Variants in PCDHGA8 observed in about 807,000 individuals in gnomAD.
The protein encoded by PCDHGA8 is protocadherin gamma-A8.
Under a neutral mutation model 59.2 loss-of-function variants are expected in PCDHGA8, and 45 were observed. That is an observed-to-expected ratio of 0.76 (90% CI 0.60 to 0.98). The LOEUF (loss-of-function observed/expected upper bound fraction) is 0.98, where lower values mean the gene tolerates loss of function less well. PCDHGA8 is among the 50% of genes least tolerant of loss of function. The pLI is 0.00. For missense variants in PCDHGA8, 1,257 were observed against 1,196.2 expected (o/e 1.05, Z -0.75); for synonymous variants, 531 against 519.0 (o/e 1.02, Z -0.32).
intron 1 of PCDHGA8, among the ~76,000 whole-genome samples, chr5:141,475,204 A>G (rs2099360413): frequency 6.6e-6 from 1 of 152,176 alleles, no homozygotes; most frequent in African/African-American, 2.4e-5. Flanking sequence ...AGATCTTGGG[A>G]AAAGGATTGA....
Position 141,395,250 on chromosome 5 carries a change from C to A in PCDHGA8, c.2424+13C>A. 1 of 1,558,318 alleles carries A rather than the reference C, an allele frequency of 6.4e-7. No individual in the cohort carries two copies. On this transcript the variant is annotated intron_variant, in intron 1 of 3. Coordinates refer to ENST00000398604, the MANE Select transcript of PCDHGA8 (RefSeq NM_032088.2). ...TGATCATGGTCAGGTGAGTTTAGTTCTTTGCTTGCTTTTAATTTCCAGATG... is the reference window on the plus strand; with the variant it reads ...TGATCATGGTCAGGTGAGTTTAGTTATTTGCTTGCTTTTAATTTCCAGATG...
intron 1 of PCDHGA8, among the ~76,000 whole-genome samples, chr5:141,457,836 C>T (rs1418402508): frequency 6.6e-6 from 1 of 152,202 alleles, no homozygotes; most frequent in African/African-American, 2.4e-5. Context: ...GCTTCCAGAC[C>T]TGTTAGAAAG....
Position 141,510,960 on chromosome 5 carries a change from G to C in PCDHGA8, c.2586G>C (p.Gly862=). The change falls in exon 4 of 4, where the codon GGG becomes GGC. Residue 862 remains glycine, a synonymous_variant. Transcript: ENST00000398604. ...CTGTCTCTGCAGAAGCTGCTGATGG[G>C]AGCTCCACCCTGGGAGGGGGTGCCG... The part of the protein sequence containing the change: ...ILASASEAAD[G]SSTLGGGAGT... 1 of 1,614,120 alleles carries C rather than the reference G, an allele frequency of 6.2e-7. No homozygotes were observed. Among genetic ancestry groups the C allele is most frequent in the Non-Finnish European group, 8.5e-7 (1 of 1,180,022 alleles).
chr5:141,478,481 C>A, intron 1 of PCDHGA8: 1 of 1,613,576 alleles, frequency 6.2e-7, no homozygotes, highest in South Asian at 1.1e-5. Flanking sequence ...CCAGAACACG[C>A]TGCGGAGCTG....
At chr5:141,457,094 C>T (rs2098908295) in intron 1 of PCDHGA8, among the ~76,000 whole-genome samples, 1 of 152,154 alleles carries the variant, frequency 6.6e-6, no homozygotes, top group Non-Finnish European at 1.5e-5. Context: ...TATAAGGATA[C>T]TAATTAAGCA....
chr5:141,454,172 C>T (rs1001368287), intron 1 of PCDHGA8, among the ~76,000 whole-genome samples: 4 of 152,126 alleles, frequency 2.6e-5, no homozygotes, highest in Non-Finnish European at 5.9e-5. Context: ...TCTAGAAGGG[C>T]AGCTAAAGGA....
At position 141,490,524 on chromosome 5, in the gene PCDHGA8, T is replaced by C. The variant is rs1197866164; in HGVS notation, c.2425-4283T>C. The C allele has an allele frequency of 1.2e-6, 2 of 1,613,990 alleles. No homozygotes were observed. Among genetic ancestry groups the C allele is most frequent in the Non-Finnish European group, 1.7e-6 (2 of 1,180,018 alleles). On this transcript the variant is annotated intron_variant, in intron 1 of 3. Transcript: ENST00000398604. The surrounding 1 kb of genome is among the most constrained non-coding windows in gnomAD (Gnocchi z 5.4). ...ATATCATCGAGCTGCTGGCCAGCGA[T>C]GCTGGTTCACCTTCCCTACACAAAC...
intron 1 of PCDHGA8, chr5:141,402,866 T>A (rs1339290452): frequency 4.2e-6 from 6 of 1,442,196 alleles, no homozygotes; most frequent in Non-Finnish European, 5.5e-6. Context: ...AAGGAAAAGA[T>A]CACCATACTT....
chr5:141,401,730 T>C (rs1448734124), intron 1 of PCDHGA8, among the ~76,000 whole-genome samples: 4 of 152,204 alleles, frequency 2.6e-5, no homozygotes, highest in African/African-American at 4.8e-5. Context: ...ACTACTAGTC[T>C]TGTGTACATA....
chr5:141,407,497 G>GTTTTTTTTTTTTTTTTT (rs1554102286), intron 1 of PCDHGA8, among the ~76,000 whole-genome samples: 2 of 151,970 alleles, frequency 1.3e-5, no homozygotes, highest in African/African-American at 4.8e-5. Context: ...CTTTATTTCT[G>GTTTTTTTTTTTTTTTTT]TTTTTCTTAG....
chr5:141,502,487 C>A (rs563658817), intron 2 of PCDHGA8, among the ~76,000 whole-genome samples: 1 of 152,182 alleles, frequency 6.6e-6, no homozygotes, highest in Non-Finnish European at 1.5e-5. Context: ...CACACTGGGA[C>A]TCATCTAACG....
At chr5:141,465,923 C>G (rs908350232) in intron 1 of PCDHGA8, among the ~76,000 whole-genome samples, 2 of 152,062 alleles carry the variant, frequency 1.3e-5, no homozygotes, top group African/African-American at 4.8e-5. Flanking sequence ...GATTTCGAGT[C>G]CATCCTGGCT....
intron 1 of PCDHGA8, among the ~76,000 whole-genome samples, chr5:141,405,840 A>G (rs1005736499): frequency 6.6e-6 from 1 of 152,188 alleles, no homozygotes; most frequent in African/African-American, 2.4e-5. Flanking sequence ...GTATAAGTTG[A>G]TATCAGTGTG....
chr5:141,403,598 G>A (rs2094431142), intron 1 of PCDHGA8: 1 of 1,613,702 alleles, frequency 6.2e-7, no homozygotes, highest in Non-Finnish European at 8.5e-7. Flanking sequence ...CACGGCCTCG[G>A]ATGGCGGCGA....
chr5:141,398,668 A>G, intron 1 of PCDHGA8: 1 of 1,614,026 alleles, frequency 6.2e-7, no homozygotes, highest in Non-Finnish European at 8.5e-7. Context: ...TTTCTCATTA[A>G]TAATTAAGGA....
rs200568923 is a variant in PCDHGA8 at position 141,413,794 on chromosome 5, G to A, written c.2424+18557G>A. On this transcript the variant is annotated intron_variant, in intron 1 of 3. Coordinates refer to ENST00000398604, the MANE Select transcript of PCDHGA8 (RefSeq NM_032088.2). The stretch of plus-strand genomic sequence containing the variant: ...GGTACTGGAGCACTCCCTAGATCGC[G>A]AGGAAGAGGCCATTCACCACCTGGT... 6.7e-5 allele frequency: 108 copies of A among 1,613,050 alleles called. No individual in the cohort carries two copies. Among genetic ancestry groups the A allele is most frequent in the Admixed American group, 8.3e-5 (5 of 59,990 alleles).
chr5:141,398,337 G>T, intron 1 of PCDHGA8: 3 of 1,369,482 alleles, frequency 2.2e-6, no homozygotes, highest in Non-Finnish European at 3.0e-6. Context: ...GCGTCAGTTC[G>T]GAGAAGCCTT....
chr5:141,409,047 G>A, intron 1 of PCDHGA8: 1 of 1,613,982 alleles, frequency 6.2e-7, no homozygotes, highest in Non-Finnish European at 8.5e-7. Context: ...TACTACTTCC[G>A]AAGCACTGCC....
At position 141,403,830 on chromosome 5, in the gene PCDHGA8, A is replaced by G. The variant is rs763794433; in HGVS notation, c.2424+8593A>G. On this transcript the variant is annotated intron_variant, in intron 1 of 3. Coordinates refer to ENST00000398604, the MANE Select transcript of PCDHGA8 (RefSeq NM_032088.2). ...AATGAAAAACAATCTCTGCTATTCC[A>G]GCTTAATGAAAATACTGGGGAAATA... The G allele has an allele frequency of 3.7e-6, 6 of 1,613,754 alleles. No individual in the cohort carries two copies. In the Admixed American group the frequency reaches 5.0e-5, roughly 13 times the overall value.
Sources: allele counts gnomAD v4.1 joint callset (sites outside exome capture counted in the v4.1 genomes callset), GRCh38; gene constraint gnomAD v4.1.1; non-coding constraint Gnocchi (gnomAD v3.1); transcripts MANE v1.5; gene names NCBI Gene and HGNC (gene_info 2026-07-23, HGNC 2026-07-21).